Variants in ANKRD10 observed in about 807,000 individuals in gnomAD.
ANKRD10 encodes the protein ankyrin repeat domain 10.
ANKRD10 carries 14 observed loss-of-function variants against 27.0 expected under a neutral mutation model. That is an observed-to-expected ratio of 0.52 (90% confidence interval 0.34 to 0.81). ANKRD10 has a LOEUF of 0.81. Among genes scored for constraint, ANKRD10 ranks in the 40% least tolerant of loss-of-function variants. ANKRD10 has a pLI of 0.01. For missense variants in ANKRD10, 493 were observed against 544.0 expected (o/e 0.91, Z 0.93); for synonymous variants, 250 against 224.5 (o/e 1.11, Z -1.01).
At chr13:110,914,004 C>G (rs759351208) in intron 1 of ANKRD10, among the ~76,000 whole-genome samples, 3 of 152,188 alleles carry the variant, frequency 2.0e-5, no homozygotes, top group Non-Finnish European at 4.4e-5. Context: ...GAGAATTCTG[C>G]TTAATTTAAC....
At chr13:110,891,267 G>A (rs547223266) in intron 4 of ANKRD10, among the ~76,000 whole-genome samples, 2 of 152,088 alleles carry the variant, frequency 1.3e-5, no homozygotes, top group African/African-American at 2.4e-5. Context: ...AATGACAAAG[G>A]ATTTTTTTAA....
At chr13:110,891,589 T>A (rs913249537) in intron 4 of ANKRD10, among the ~76,000 whole-genome samples, 1 of 152,138 alleles carries the variant, frequency 6.6e-6, no homozygotes, top group Non-Finnish European at 1.5e-5. Context: ...AGGGAAAAAA[T>A]GTTTCACTTG....
intron 4 of ANKRD10, among the ~76,000 whole-genome samples, chr13:110,885,732 A>G (rs2138824561): frequency 6.7e-6 from 1 of 148,362 alleles, no homozygotes; most frequent in South Asian, 2.1e-4. Context: ...GCAATCCTGC[A>G]AAGCCACACA....
In ANKRD10 at chr13:110,879,930, C is replaced by G; in HGVS notation, c.970G>C (p.Gly324Arg). 12 of 1,614,184 alleles carry G rather than the reference C, an allele frequency of 7.4e-6. No individual in the cohort carries two copies. The highest frequency in any genetic ancestry group is 1.0e-5 in the Non-Finnish European group (12 of 1,180,038). The change falls in exon 6 of 6, where the codon GGT (glycine) becomes CGT (arginine). Residue 324 changes from glycine (G) to arginine (R), a missense_variant. Gly to Arg is a moderately radical substitution (Grantham distance 125). Transcript: ENST00000267339. ...TCAGTCCCACTAATGCAGAGAGAACCCTGGCTACTCGGAAACGGCTGTCCT... is the reference window on the plus strand; with the variant it reads ...TCAGTCCCACTAATGCAGAGAGAACGCTGGCTACTCGGAAACGGCTGTCCT... ...APGQPFPSSQ[G>R]SLCISGTEEP... is the part of the protein sequence containing the mutation.
At chr13:110,912,565 C>T (rs980313302) in intron 1 of ANKRD10, among the ~76,000 whole-genome samples, 1 of 152,176 alleles carries the variant, frequency 6.6e-6, no homozygotes, top group Non-Finnish European at 1.5e-5. Context: ...AAACCTGTTA[C>T]CCTTGGGTTC....
chr13:110,906,929 C>A (rs969541270), intron 2 of ANKRD10, among the ~76,000 whole-genome samples: 3 of 152,068 alleles, frequency 2.0e-5, no homozygotes, highest in South Asian at 2.1e-4. Flanking sequence ...GTCTACACTG[C>A]ATGAATGAAA....
intron 3 of ANKRD10, among the ~76,000 whole-genome samples, chr13:110,900,206 A>C (rs999363246): frequency 6.6e-6 from 1 of 152,228 alleles, no homozygotes; most frequent in African/African-American, 2.4e-5. Context: ...ATTCCAGAAC[A>C]AAGGAGAAGC....
chr13:110,914,966 G>A lies in ANKRD10; in HGVS notation c.-32C>T. On this transcript the variant is annotated 5_prime_UTR_variant, in exon 1 of 6. Transcript: ENST00000267339. ...TCACCGGAGAGCGCGGGGCTCGCTG[G>A]CCTAGAGGACGCGTCGGGGAGGACT... 6.6e-7 allele frequency: 1 copy of A among 1,519,196 alleles called. No homozygotes were observed. The highest frequency in any genetic ancestry group is 8.8e-7 in the Non-Finnish European group (1 of 1,138,398). 94.1% of individuals were successfully genotyped at this position (1,519,196 alleles called of 1,614,324 possible). A position where few individuals can be genotyped will look rare whatever the true frequency, so the allele number is the denominator to read the frequency against.
chr13:110,902,227 AAATG>A lies in ANKRD10; in HGVS notation c.455+3802_455+3805del, dbSNP rs994571802. ...AAATATAAAGAAACCACGAATTTCA[AAATG>A]AATAGCTAAAAGTAAATCTAGGTTA... On this transcript the variant is annotated intron_variant, in intron 3 of 5. Coordinates refer to ENST00000267339, the MANE Select transcript of ANKRD10 (RefSeq NM_017664.4). Among the ~76,000 whole-genome samples, 211 of 152,270 alleles carry A rather than the reference AAATG, an allele frequency of 1.4e-3. 1 individual carries two copies. The highest frequency in any genetic ancestry group is 4.9e-3 in the African/African-American group (204 of 41,556).
chr13:110,883,801 GAAAACA>G lies in ANKRD10; in HGVS notation c.692-14_692-9del. The G allele has an allele frequency of 6.2e-7, 1 of 1,605,924 alleles. No individual in the cohort carries two copies. Among genetic ancestry groups the G allele is most frequent in the African/African-American group, 1.3e-5 (1 of 74,742 alleles). ...CAGAATCCAAGCTTTGAGCTGCACA[GAAAACA>G]AAGACTATTTCAGATTCCTTTGTCT... is the stretch of plus-strand genomic sequence containing the variant. On this transcript the variant is annotated splice_polypyrimidine_tract_variant and intron_variant, in intron 4 of 5. Transcript: ENST00000267339.
intron 4 of ANKRD10, among the ~76,000 whole-genome samples, chr13:110,891,417 TATG>T (rs1434752437): frequency 1.2e-4 from 19 of 152,256 alleles, no homozygotes; most frequent in Non-Finnish European, 2.4e-4. Flanking sequence ...ATGTCATGCT[TATG>T]ATTTTAGCAT....
chr13:110,887,580 A>G (rs768309827), intron 4 of ANKRD10, among the ~76,000 whole-genome samples: 1 of 152,242 alleles, frequency 6.6e-6, no homozygotes. Flanking sequence ...TGGGATATGA[A>G]GTGCTCCAAT....
chr13:110,880,210 GTTTCT>G lies in ANKRD10; in HGVS notation c.788-103_788-99del, dbSNP rs1287276978. ...GCCATTACAATTTTAAAGAATTTTA[GTTTCT>G]TTTTTTTCCTTTTAAACCAGTTCTT... On this transcript the variant is annotated intron_variant, in intron 5 of 5. Transcript: ENST00000267339. 19 of 1,083,880 alleles carry G rather than the reference GTTTCT, an allele frequency of 1.8e-5. No homozygotes were observed. The South Asian group carries it at 2.9e-4, about 16-fold the overall frequency. 67.1% of individuals were successfully genotyped at this position (1,083,880 alleles called of 1,614,324 possible).
At position 110,893,097 on chromosome 13, in the gene ANKRD10, C is replaced by G. The variant is rs750598089; in HGVS notation, c.622G>C (p.Val208Leu). ...HQNVFPNHIS[V>L]GTNRKRCLED... is the part of the protein sequence containing the mutation. ...AAGCATCTCTTTCGATTTGTTCCCA[C>G]ACTAATATGATTAGGAAATACATTC... Residue 208 changes from valine to leucine, a missense_variant, in exon 4 of 6, where the codon GTG (valine) becomes CTG (leucine). Val to Leu is a conservative substitution (Grantham distance 32). Coordinates refer to ENST00000267339, the MANE Select transcript of ANKRD10 (RefSeq NM_017664.4). 6.2e-7 allele frequency: 1 copy of G among 1,614,228 alleles called. No individual in the cohort carries two copies. The highest frequency in any genetic ancestry group is 8.5e-7 in the Non-Finnish European group (1 of 1,180,038).
At chr13:110,888,058 G>A (rs1248528372) in intron 4 of ANKRD10, among the ~76,000 whole-genome samples, 5 of 152,054 alleles carry the variant, frequency 3.3e-5, no homozygotes, top group African/African-American at 9.7e-5. Context: ...GTGACCTTTC[G>A]CGGGACCCGC....
chr13:110,906,202 G>T, intron 2 of ANKRD10, 78 bp from the exon 3 acceptor site: 1 of 1,092,166 alleles, frequency 9.2e-7, no homozygotes, highest in Non-Finnish European at 1.3e-6. Context: ...CATTAACACA[G>T]ATCAGAGACC....
chr13:110,892,766 G>C, intron 4 of ANKRD10: 2 of 1,158,784 alleles, frequency 1.7e-6, no homozygotes, highest in Non-Finnish European at 2.1e-6. Context: ...TCTAATTCAT[G>C]GCAGGTAAAC....
rs763025027 is a variant in ANKRD10, at chr13:110,879,682, G to A, written c.1218C>T (p.Tyr406=). Residue 406 remains tyrosine, a synonymous_variant, in exon 6 of 6, where the codon TAC becomes TAT. Coordinates refer to ENST00000267339, the MANE Select transcript of ANKRD10 (RefSeq NM_017664.4). ...HSKSVKVQER[Y]DSAVLGTMHL... ...GCATGGTGCCCAGCACGGCACTGTCGTACCGCTCCTGCACCTTCACGGACT... is the reference window on the plus strand; with the variant it reads ...GCATGGTGCCCAGCACGGCACTGTCATACCGCTCCTGCACCTTCACGGACT... The A allele has an allele frequency of 6.2e-6, 10 of 1,613,896 alleles. No homozygotes were observed. The highest frequency in any genetic ancestry group is 5.3e-5 in the African/African-American group (4 of 74,924).
At chr13:110,883,974 TTTC>T (rs2138821545) in intron 4 of ANKRD10, among the ~76,000 whole-genome samples, 181 bp from the exon 5 acceptor site, 1 of 152,316 alleles carries the variant, frequency 6.6e-6, no homozygotes, top group African/African-American at 2.4e-5. Context: ...ATCAAAAAGA[TTTC>T]TTGACATGTG....
Sources: gnomAD v4.1 joint callset for allele counts (sites outside exome capture counted in the v4.1 genomes callset) on GRCh38, gnomAD v4.1.1 for gene constraint, MANE v1.5 for transcripts, NCBI Gene and HGNC (gene_info 2026-07-23, HGNC 2026-07-21) for gene names.